GALNT17: variants seen among roughly 807,000 people sequenced by gnomAD.
GALNT17 encodes the protein UDP-GalNAc:polypeptide N-acetylgalactosaminyltransferase-like 3.
GALNT17 carries 29 observed loss-of-function variants against 63.7 expected under a neutral mutation model. That is an observed-to-expected ratio of 0.46 (90% CI 0.34 to 0.62). The LOEUF is 0.62. Ranked by LOEUF, GALNT17 falls within the 20% of genes least tolerant of loss-of-function variation. The pLI, the probability that GALNT17 is intolerant of heterozygous loss-of-function variation, is 0.01. For missense variants in GALNT17, 603 were observed against 799.6 expected (o/e 0.75, Z 2.97); for synonymous variants, 305 against 318.3 (o/e 0.96, Z 0.45).
chr7:71,243,690 C>T (rs1344207576), intron 1 of GALNT17, among the ~76,000 whole-genome samples: 2 of 152,174 alleles, frequency 1.3e-5, no homozygotes, highest in African/African-American at 4.8e-5. Flanking sequence ...CAGGTGGGTG[C>T]TGCTGCATCC....
intron 6 of GALNT17, among the ~76,000 whole-genome samples, chr7:71,626,171 G>A (rs1168742383): frequency 2.6e-5 from 4 of 151,664 alleles, no homozygotes; most frequent in African/African-American, 7.3e-5. Flanking sequence ...TTGAACCCGG[G>A]AGGTGGAGGT....
At chr7:71,202,837 T>C (rs1285191942) in intron 1 of GALNT17, among the ~76,000 whole-genome samples, 2 of 152,254 alleles carry the variant, frequency 1.3e-5, no homozygotes, top group South Asian at 4.1e-4. Flanking sequence ...TTGACTTTTT[T>C]AGATTCCACA....
At chr7:71,229,028 T>C (rs1789735336) in intron 1 of GALNT17, among the ~76,000 whole-genome samples, 1 of 152,146 alleles carries the variant, frequency 6.6e-6, no homozygotes, top group South Asian at 2.1e-4. Flanking sequence ...ACCCGTGACG[T>C]GAAAGGCAAT....
intron 6 of GALNT17, among the ~76,000 whole-genome samples, chr7:71,594,743 T>C (rs1789861751): frequency 6.6e-6 from 1 of 152,216 alleles, no homozygotes; most frequent in South Asian, 2.1e-4. Context: ...ATTCCAGTTC[T>C]AGCTATGTAG....
Position 71,147,640 on chromosome 7 carries a change from C to CT in GALNT17, c.238+14610dup, listed in dbSNP as rs915956383. On this transcript the variant is annotated intron_variant, in intron 1 of 10. Coordinates refer to ENST00000333538, the MANE Select transcript of GALNT17 (RefSeq NM_022479.3). The stretch of plus-strand genomic sequence containing the variant: ...ATTCTCCAAGGACCATTTCTTTTTT[C>CT]TTTTTTTTTTAGACGGAGTCTCACT... Among the ~76,000 whole-genome samples, 14 of 148,428 alleles carry CT rather than the reference C, an allele frequency of 9.4e-5. No individual in the cohort carries two copies. In the East Asian group the frequency reaches 1.4e-3, roughly 15 times the overall value.
chr7:71,243,918 C>T (rs546242427), intron 1 of GALNT17, among the ~76,000 whole-genome samples: 1 of 152,058 alleles, frequency 6.6e-6, no homozygotes, highest in South Asian at 2.1e-4. Flanking sequence ...TTTGTGGAAG[C>T]CAGATTGAAG....
chr7:71,544,572 G>C (rs1788950403), intron 5 of GALNT17, among the ~76,000 whole-genome samples: 3 of 152,174 alleles, frequency 2.0e-5, no homozygotes, highest in Non-Finnish European at 4.4e-5. Context: ...TGCAAGTGCA[G>C]ACTCAATCAA....
intron 1 of GALNT17, among the ~76,000 whole-genome samples, chr7:71,315,016 C>T (rs562438103): frequency 1.3e-5 from 2 of 152,234 alleles, no homozygotes; most frequent in South Asian, 4.2e-4. Flanking sequence ...AACATTGTAC[C>T]CATTGGCAGT....
At chr7:71,387,647 G>C (rs1202870923) in intron 2 of GALNT17, among the ~76,000 whole-genome samples, 5 of 152,116 alleles carry the variant, frequency 3.3e-5, no homozygotes, top group Non-Finnish European at 7.4e-5. Flanking sequence ...CTAGTTGAGA[G>C]ATTTAGGGGG....
intron 6 of GALNT17, among the ~76,000 whole-genome samples, chr7:71,660,491 T>G (rs1475249277): frequency 6.6e-6 from 1 of 152,228 alleles, no homozygotes; most frequent in Admixed American, 6.5e-5. Flanking sequence ...TCAGCCTGCC[T>G]AGGAACTCAC....
At chr7:71,228,946 T>C (rs1225997958) in intron 1 of GALNT17, among the ~76,000 whole-genome samples, 1 of 152,052 alleles carries the variant, frequency 6.6e-6, no homozygotes, top group African/African-American at 2.4e-5. Context: ...TGATCCTACC[T>C]GGCCAATACT....
chr7:71,597,967 C>T (rs1298032730), intron 6 of GALNT17, among the ~76,000 whole-genome samples: 6 of 150,094 alleles, frequency 4.0e-5, no homozygotes, highest in African/African-American at 9.8e-5. Context: ...TTTTTTGAGA[C>T]GGAGTCTCAC....
At chr7:71,628,529 G>A (rs180748042) in intron 6 of GALNT17, among the ~76,000 whole-genome samples, 1 of 152,000 alleles carries the variant, frequency 6.6e-6, no homozygotes, top group Non-Finnish European at 1.5e-5. Flanking sequence ...CACCGTGTTG[G>A]CTATGCTGGT....
chr7:71,295,972 T>G (rs2115847263), intron 1 of GALNT17, among the ~76,000 whole-genome samples: 1 of 152,116 alleles, frequency 6.6e-6, no homozygotes, highest in East Asian at 1.9e-4. Flanking sequence ...CTTGGTCACA[T>G]AATACAATTT....
intron 1 of GALNT17, among the ~76,000 whole-genome samples, chr7:71,275,136 T>A (rs769851163): frequency 6.6e-6 from 1 of 152,186 alleles, no homozygotes; most frequent in Non-Finnish European, 1.5e-5. Context: ...AATGGCTTAA[T>A]CTCTCCGGCA....
At chr7:71,566,384 C>T (rs1477939868) in intron 5 of GALNT17, among the ~76,000 whole-genome samples, 1 of 152,170 alleles carries the variant, frequency 6.6e-6, no homozygotes, top group East Asian at 1.9e-4. Context: ...AGGGTCTTCA[C>T]TACACACTCT....
chr7:71,533,877 G>C (rs1460214201), intron 5 of GALNT17, among the ~76,000 whole-genome samples: 1 of 152,140 alleles, frequency 6.6e-6, no homozygotes, highest in African/African-American at 2.4e-5. Context: ...TTAGAGAGGG[G>C]TACAGGAAGA....
intron 5 of GALNT17, among the ~76,000 whole-genome samples, chr7:71,471,399 C>CA (rs35529889): frequency 0.11 from 9,854 of 87,122 alleles, 397 homozygotes; most frequent in African/African-American, 0.2. Flanking sequence ...TTTTTTTTTC[C>CA]AAAAAAAAAA....
intron 1 of GALNT17, among the ~76,000 whole-genome samples, chr7:71,165,916 G>A (rs1235247774): frequency 6.6e-6 from 1 of 151,868 alleles, no homozygotes; most frequent in Admixed American, 6.6e-5. Flanking sequence ...GCCCTCTCTG[G>A]AGTCAGTGTG....
Sources: allele counts gnomAD v4.1 joint callset (sites outside exome capture counted in the v4.1 genomes callset), GRCh38; gene constraint gnomAD v4.1.1; transcripts MANE v1.5; gene names NCBI Gene and HGNC (gene_info 2026-07-23, HGNC 2026-07-21).